PPP4R4: variants seen among roughly 807,000 people sequenced by gnomAD.
PPP4R4 encodes the protein protein phosphatase 4 regulatory subunit 4, also known as serine/threonine-protein phosphatase 4 regulatory subunit 4.
Under a neutral mutation model 121.8 loss-of-function variants are expected in PPP4R4, and 70 were observed. The ratio of observed to expected loss-of-function variants is 0.57; its 90% CI spans 0.47 to 0.70. The LOEUF (loss-of-function observed/expected upper bound fraction) is 0.70. Ranked by LOEUF, PPP4R4 falls within the 30% of genes least tolerant of loss-of-function variation. The probability of loss-of-function intolerance (pLI) is 0.00; values close to 1 mark genes in which losing one functional copy is unlikely to be tolerated. For missense variants in PPP4R4, 875 were observed against 1,033.6 expected (o/e 0.85, Z 2.10); for synonymous variants, 348 against 355.7 (o/e 0.98, Z 0.24).
chr14:94,208,647 T>C, intron 3 of PPP4R4, 81 bp downstream of exon 3: 1 of 1,030,544 alleles, frequency 9.7e-7, no homozygotes. Flanking sequence ...TTTTGGAGCT[T>C]TGATGGCTGA....
intron 21 of PPP4R4, 88 bp from the exon 22 acceptor site, chr14:94,265,706 A>G: frequency 2.0e-6 from 2 of 1,025,360 alleles, no homozygotes; most frequent in Non-Finnish European, 2.9e-6. Flanking sequence ...TGTTTTACTG[A>G]AAATGATGGT....
chr14:94,255,438 A>G (rs929501583), intron 16 of PPP4R4, among the ~76,000 whole-genome samples: 3 of 152,152 alleles, frequency 2.0e-5, no homozygotes, highest in African/African-American at 7.2e-5. Flanking sequence ...CTCTACTAAA[A>G]ATACAAAAAG....
chr14:94,258,938 C>G, intron 18 of PPP4R4, 114 bp downstream of exon 18: 1 of 1,007,948 alleles, frequency 9.9e-7, no homozygotes, highest in Non-Finnish European at 1.5e-6. Flanking sequence ...CTCACAGTTC[C>G]ACGTGGCTGG....
At position 94,276,952 on chromosome 14, in the gene PPP4R4, C is replaced by T. The variant is rs537405998; in HGVS notation, c.2597+1431C>T. ...TATATTTTTATTTACAGAGAATGCTCTTTAGCTATACAATTATTGCTCCCA... is the reference window on the plus strand; with the variant it reads ...TATATTTTTATTTACAGAGAATGCTTTTTAGCTATACAATTATTGCTCCCA... On this transcript the variant is annotated intron_variant, in intron 24 of 24. Coordinates refer to ENST00000304338, the MANE Select transcript of PPP4R4 (RefSeq NM_058237.2). 1.2e-4 allele frequency among the ~76,000 whole-genome samples: 19 copies of T among 152,220 alleles called. No individual in the cohort carries two copies. In the South Asian group the frequency reaches 3.1e-3, roughly 25 times the overall value.
intron 17 of PPP4R4, among the ~76,000 whole-genome samples, chr14:94,257,435 T>C (rs1052693875): frequency 2.0e-5 from 3 of 152,094 alleles, no homozygotes; most frequent in African/African-American, 7.2e-5. Flanking sequence ...ATAAATAAAT[T>C]AGCATACATG....
At chr14:94,270,965 A>C (rs1437522350) in intron 23 of PPP4R4, among the ~76,000 whole-genome samples, 1 of 151,936 alleles carries the variant, frequency 6.6e-6, no homozygotes, top group African/African-American at 2.4e-5. Context: ...TCAATTCAAA[A>C]CTCACAGAAG....
intron 11 of PPP4R4, among the ~76,000 whole-genome samples, chr14:94,243,632 AAT>A (rs1430401386): frequency 6.6e-6 from 1 of 152,198 alleles, no homozygotes; most frequent in Non-Finnish European, 1.5e-5. Context: ...TGTGTATACA[AAT>A]ATGTTTCACT....
In PPP4R4 at chr14:94,188,035, G is replaced by A. The variant is rs143531915; in HGVS notation, c.191+11908G>A. Among the ~76,000 whole-genome samples, 846 of 152,282 alleles carry A rather than the reference G, an allele frequency of 5.6e-3. 5 individuals are homozygous for A. Among genetic ancestry groups the A allele is most frequent in the South Asian group, 0.022 (106 of 4,818 alleles). ...CTTGCAGCCTTTCCTCATCTTAGGA[G>A]AAAGCATTCTGTCTCTTACCATTAA... On this transcript the variant is annotated intron_variant, in intron 2 of 24. Transcript: ENST00000304338.
rs1440825669 is a variant in PPP4R4 at position 94,233,857 on chromosome 14, A to G, written c.623+98A>G. 5.0e-6 allele frequency: 4 copies of G among 793,284 alleles called. No individual in the cohort carries two copies. The African/African-American group carries it at 7.3e-5, about 15-fold the overall frequency. The allele number at this position is 793,284 out of a possible 1,614,324, so 49.1% of individuals were successfully genotyped here. A position where few individuals can be genotyped will look rare whatever the true frequency, so the allele number is the denominator to read the frequency against. On this transcript the variant is annotated intron_variant, in intron 6 of 24. Coordinates refer to ENST00000304338, the MANE Select transcript of PPP4R4 (RefSeq NM_058237.2). ...ATATTTGTGTTATTTCATACTGCATACAAATTTAGTTATCTTAACTATTTT... is the reference window on the plus strand; with the variant it reads ...ATATTTGTGTTATTTCATACTGCATGCAAATTTAGTTATCTTAACTATTTT...
In PPP4R4 at chr14:94,239,947, G is replaced by C. The variant is rs1181300365; in HGVS notation, c.854-726G>C. On this transcript the variant is annotated intron_variant, in intron 8 of 24. Transcript: ENST00000304338. ...GTCATTTAACAAAAATAGTAGATAT[G>C]GCACCGAAATGTAATGATAATAGTA... 2.6e-5 allele frequency among the ~76,000 whole-genome samples: 4 copies of C among 152,192 alleles called. No homozygotes were observed. The South Asian group carries it at 8.3e-4, about 32-fold the overall frequency.
intron 16 of PPP4R4, among the ~76,000 whole-genome samples, chr14:94,255,664 C>T (rs1893433012): frequency 6.6e-6 from 1 of 151,982 alleles, no homozygotes; most frequent in Non-Finnish European, 1.5e-5. Context: ...TGCTACCACT[C>T]TGGTTCAATG....
chr14:94,204,012 C>A (rs1324459498), intron 2 of PPP4R4, among the ~76,000 whole-genome samples: 2 of 152,102 alleles, frequency 1.3e-5, no homozygotes. Flanking sequence ...TTTACAGGGT[C>A]TTTCACAATG....
intron 14 of PPP4R4, among the ~76,000 whole-genome samples, chr14:94,249,544 T>C (rs1055965308): frequency 2.0e-5 from 3 of 152,108 alleles, no homozygotes; most frequent in Non-Finnish European, 4.4e-5. Context: ...TTTTCTCTAA[T>C]ATATGGTTTG....
At chr14:94,230,532 T>G in intron 3 of PPP4R4, 55 bp from the exon 4 acceptor site, 1 of 1,493,614 alleles carries the variant, frequency 6.7e-7, no homozygotes, top group Non-Finnish European at 9.1e-7. Flanking sequence ...TTTTTAAAAA[T>G]TATAATTTGT....
intron 14 of PPP4R4, among the ~76,000 whole-genome samples, chr14:94,249,495 A>G (rs565710645): frequency 3.8e-4 from 58 of 152,214 alleles, no homozygotes; most frequent in African/African-American, 1.4e-3. Flanking sequence ...GATAATGAAC[A>G]TGAATTTATA....
intron 2 of PPP4R4, among the ~76,000 whole-genome samples, chr14:94,191,038 A>G (rs932112869): frequency 2.6e-5 from 4 of 152,228 alleles, no homozygotes; most frequent in African/African-American, 9.6e-5. Context: ...ATCAAAGTTA[A>G]TATCAAATGT....
chr14:94,189,237 T>C (rs1177710352), intron 2 of PPP4R4, among the ~76,000 whole-genome samples: 1 of 152,202 alleles, frequency 6.6e-6, no homozygotes, highest in Non-Finnish European at 1.5e-5. Flanking sequence ...TTCCATAATC[T>C]CTGTAGATGT....
chr14:94,256,720 A>G (rs1893490946), intron 17 of PPP4R4, 116 bp downstream of exon 17: 2 of 1,121,126 alleles, frequency 1.8e-6, no homozygotes, highest in South Asian at 3.8e-5. Context: ...TATCCTTGCT[A>G]AAATTGTAAG....
At chr14:94,233,545 G>C (rs929774426) in intron 5 of PPP4R4, 108 bp from the exon 6 acceptor site, 44 of 668,788 alleles carry the variant, frequency 6.6e-5, no homozygotes, top group Non-Finnish European at 1.1e-4. Context: ...CGTAATTCAG[G>C]TTCTTTAAAA....
Sources: allele counts gnomAD v4.1 joint callset (sites outside exome capture counted in the v4.1 genomes callset), GRCh38; gene constraint gnomAD v4.1.1; transcripts MANE v1.5; gene names NCBI Gene and HGNC (gene_info 2026-07-23, HGNC 2026-07-21).